LRRC56: variants seen among roughly 807,000 people sequenced by gnomAD.
The protein encoded by LRRC56 is leucine rich repeat containing 56.
In LRRC56, 41 loss-of-function variants were observed where a neutral mutation model predicts 47.8. The observed-to-expected ratio is 0.86, with a 90% CI of 0.67 to 1.11. The LOEUF (loss-of-function observed/expected upper bound fraction) is 1.11. Ranked by LOEUF, LRRC56 falls within the 50% of genes most tolerant of loss-of-function variation. The probability of loss-of-function intolerance (pLI) is 0.00; values close to 1 mark genes in which losing one functional copy is unlikely to be tolerated. For synonymous variants in LRRC56, 387 were observed against 311.2 expected, an observed-to-expected ratio of 1.24 and a Z score of -2.56; for missense variants, 759 against 704.2, an observed-to-expected ratio of 1.08 and a Z score of -0.88.
the LRRC56 span, among the ~76,000 whole-genome samples, chr11:520,359 C>T: frequency 1.6e-4 from 25 of 152,170 alleles, 1 homozygote; most frequent in East Asian, 4.3e-3. Flanking sequence ...CTCGCTCTGT[C>T]GCCCAGGCTG....
upstream of LRRC56, among the ~76,000 whole-genome samples, chr11:536,377 C>A (rs927911565): frequency 3.3e-5 from 5 of 152,344 alleles, no homozygotes; most frequent in East Asian, 9.6e-4. Flanking sequence ...AGGGCTCACC[C>A]CAAGCACATA....
At chr11:509,935 AAGTATTCCC>A in the LRRC56 span, among the ~76,000 whole-genome samples, 1 of 151,760 alleles carries the variant, frequency 6.6e-6, no homozygotes, top group Non-Finnish European at 1.5e-5. Flanking sequence ...GAGTATATGG[AAGTATTCCC>A]ACCCCCAGTT....
chr11:518,112 C>T, the LRRC56 span, among the ~76,000 whole-genome samples: 1 of 152,144 alleles, frequency 6.6e-6, no homozygotes, highest in South Asian at 2.1e-4. Context: ...CCACTATTAT[C>T]CTATGACCCT....
chr11:545,554 C>T (rs1035215499), intron 6 of LRRC56, among the ~76,000 whole-genome samples: 3 of 150,536 alleles, frequency 2.0e-5, no homozygotes, highest in Admixed American at 6.6e-5. Flanking sequence ...GTACAGAACC[C>T]GGACCAGACG....
At chr11:521,914 CA>C in the LRRC56 span, among the ~76,000 whole-genome samples, 34 of 142,748 alleles carry the variant, frequency 2.4e-4, no homozygotes, top group African/African-American at 8.1e-4. Context: ...GACTCCGTCT[CA>C]AAAAAAAAAC....
upstream of LRRC56, chr11:536,866 C>T (rs967949765): frequency 6.6e-6 from 1 of 152,276 alleles, no homozygotes; most frequent in Admixed American, 6.5e-5. Context: ...GGGCTCCACC[C>T]ACGTGCGGTC....
In LRRC56 at chr11:550,065, T is replaced by G. The variant is rs762980460; in HGVS notation, c.424-7T>G. ...CGGGCCCTGGCTCAGAGCCCCGCGC[T>G]GCCCAGGAACTCTACGCCTCCTACA... On this transcript the variant is annotated splice_polypyrimidine_tract_variant and splice_region_variant and intron_variant, in intron 7 of 13. Coordinates refer to ENST00000270115, the MANE Select transcript of LRRC56 (RefSeq NM_198075.4). The G allele has an allele frequency of 6.2e-7, 1 of 1,611,602 alleles. No individual in the cohort carries two copies. The highest frequency in any genetic ancestry group is 1.1e-5 in the South Asian group (1 of 90,994).
chr11:534,051 C>T (rs923755318), upstream of LRRC56: 9 of 1,333,886 alleles, frequency 6.7e-6, no homozygotes, highest in Non-Finnish European at 9.6e-6. Flanking sequence ...CCCCTCCTCT[C>T]CTGGGGTGCT....
chr11:542,559 C>T lies in LRRC56; in HGVS notation c.265+935C>T, dbSNP rs202205301. 2.2e-4 allele frequency among the ~76,000 whole-genome samples: 27 copies of T among 123,828 alleles called. No homozygotes were observed. The East Asian group carries it at 5.8e-3, about 27-fold the overall frequency. The allele number at this position is 123,828 out of a possible 152,430, so 81.2% of individuals were successfully genotyped here. A position where few individuals can be genotyped will look rare whatever the true frequency, so the allele number is the denominator to read the frequency against. ...TTGCACCGCTGCACTCCAGACTGGG[C>T]GACAGAGCAAAACCCTGTCGCAAAA... On this transcript the variant is annotated intron_variant, in intron 5 of 13. Transcript: ENST00000270115.
At chr11:542,572 C>G (rs370308008) in intron 5 of LRRC56, among the ~76,000 whole-genome samples, 1 of 113,684 alleles carries the variant, frequency 8.8e-6, no homozygotes, top group Non-Finnish European at 1.8e-5. Flanking sequence ...CAGAGCAAAA[C>G]CCTGTCGCAA....
chr11:550,003 G>GTCTGGGCAC lies in LRRC56; in HGVS notation c.423+6_423+14dup. The GTCTGGGCAC allele has an allele frequency of 6.2e-7, 1 of 1,612,590 alleles. No homozygotes were observed. The highest frequency in any genetic ancestry group is 2.2e-5 in the East Asian group (1 of 44,864). ...GCCTCTTTGCCAGCACTTAAGGTGA[G>GTCTGGGCAC]TCTGGGCACCCTGGGCTGGGGAGGC... On this transcript the variant is annotated splice_donor_region_variant and intron_variant, in intron 7 of 13. Transcript: ENST00000270115.
chr11:533,576 C>A (rs759927777), upstream of LRRC56: 1 of 1,613,894 alleles, frequency 6.2e-7, no homozygotes, highest in Admixed American at 1.7e-5. Context: ...GCACCATGGG[C>A]ACGTCATCCG....
chr11:530,698 G>C, the LRRC56 span, among the ~76,000 whole-genome samples: 88 of 36,638 alleles, frequency 2.4e-3, no homozygotes, highest in African/African-American at 4.9e-3. Flanking sequence ...GAGAGAAGGG[G>C]GAGTGTGGCG....
chr11:553,858 A>C, intron 13 of LRRC56, 105 bp from the exon 14 acceptor site: 1 of 960,866 alleles, frequency 1.0e-6, no homozygotes. Context: ...CCCAAGGACC[A>C]CTGCCTCGGG....
chr11:551,385 CGGATAG>C lies in LRRC56; in HGVS notation c.796+84_796+89del, dbSNP rs1852380355. 3 of 958,424 alleles carry C rather than the reference CGGATAG, an allele frequency of 3.1e-6. No individual in the cohort carries two copies. The South Asian group carries it at 5.0e-5, about 16-fold the overall frequency. The allele number at this position is 958,424 out of a possible 1,614,324, so 59.4% of individuals were successfully genotyped here. ...GCCCCCACCCCAGGCTTCTCAGAAA[CGGATAG>C]CCACATCTCATGCGCTTCTCCAGCC... On this transcript the variant is annotated intron_variant, in intron 9 of 13. Coordinates refer to ENST00000270115, the MANE Select transcript of LRRC56 (RefSeq NM_198075.4).
chr11:531,119 G>A, the LRRC56 span, among the ~76,000 whole-genome samples: 5 of 141,114 alleles, frequency 3.5e-5, no homozygotes, highest in Non-Finnish European at 7.7e-5. Flanking sequence ...AGAGAAGGGG[G>A]AGTGTGGCGT....
chr11:507,158 A>G, the LRRC56 span: 1 of 152,156 alleles, frequency 6.6e-6, no homozygotes, highest in South Asian at 2.1e-4. Flanking sequence ...ACCCAGAGCG[A>G]GACGGCCTAC....
At chr11:507,519 A>G in the LRRC56 span, among the ~76,000 whole-genome samples, 25 of 152,134 alleles carry the variant, frequency 1.6e-4, no homozygotes, top group African/African-American at 6.0e-4. Flanking sequence ...TGGGCCTCGC[A>G]CTGGCACGCA....
At chr11:521,364 A>G in the LRRC56 span, among the ~76,000 whole-genome samples, 2 of 152,132 alleles carry the variant, frequency 1.3e-5, no homozygotes, top group Non-Finnish European at 2.9e-5. Context: ...TCTGGAGTGC[A>G]GTGCCATGAT....
Sources: allele counts gnomAD v4.1 joint callset (sites outside exome capture counted in the v4.1 genomes callset), GRCh38; gene constraint gnomAD v4.1.1; transcripts MANE v1.5; gene names NCBI Gene and HGNC (gene_info 2026-07-23, HGNC 2026-07-21).